Variants in ARL2 observed in about 807,000 individuals in gnomAD.
ARL2 encodes the protein ADP-ribosylation factor-like protein 2.
ARL2 carries 11 observed loss-of-function variants against 22.0 expected under a neutral mutation model. That is an observed-to-expected ratio of 0.50 (90% CI 0.31 to 0.83). ARL2 has a LOEUF of 0.83. ARL2 is among the 40% of genes least tolerant of loss of function. The pLI is 0.04. For missense variants in ARL2, 216 were observed against 243.2 expected (o/e 0.89, Z 0.74); for synonymous variants, 111 against 100.8 (o/e 1.10, Z -0.61).
Position 65,022,006 on chromosome 11 carries a change from G to A in ARL2, c.*151G>A, listed in dbSNP as rs1044892977. On this transcript the variant is annotated 3_prime_UTR_variant, in exon 5 of 5. Transcript: ENST00000246747. ...CTACTGCTGCCCGCTGCTGCTCTGT[G>A]GCCACCCGGCTCCCATGGCGGGAGG... The A allele has an allele frequency of 5.1e-6, 6 of 1,182,670 alleles. No individual in the cohort carries two copies. Among genetic ancestry groups the A allele is most frequent in the Non-Finnish European group, 7.0e-6 (6 of 854,540 alleles). The allele number at this position is 1,182,670 out of a possible 1,614,324, so 73.3% of individuals were successfully genotyped here.
In ARL2 at chr11:65,021,964, A is replaced by G; in HGVS notation, c.*109A>G. 7.0e-7 allele frequency: 1 copy of G among 1,429,800 alleles called. No individual in the cohort carries two copies. Among genetic ancestry groups the G allele is most frequent in the Non-Finnish European group, 9.4e-7 (1 of 1,064,232 alleles). The allele number at this position is 1,429,800 out of a possible 1,614,324, so 88.6% of individuals were successfully genotyped here. A position where few individuals can be genotyped will look rare whatever the true frequency, so the allele number is the denominator to read the frequency against. On this transcript the variant is annotated 3_prime_UTR_variant, in exon 5 of 5. Transcript: ENST00000246747. ...GCCAAACTAACACTCCCCCTCCTCC[A>G]CCCCAGCCTGCTGCTGCTACTGCTG...
chr11:65,015,435 G>C (rs946622501), intron 1 of ARL2, among the ~76,000 whole-genome samples: 2 of 152,296 alleles, frequency 1.3e-5, no homozygotes, highest in South Asian at 4.1e-4. Context: ...GCTTTAAAGA[G>C]CTCTAAGAAA....
At position 65,018,425 on chromosome 11, in the gene ARL2, A is replaced by G. The variant is rs780868896; in HGVS notation, c.127A>G (p.Thr43Ala). The G allele has an allele frequency of 1.2e-6, 2 of 1,609,776 alleles. No homozygotes were observed. Among genetic ancestry groups the G allele is most frequent in the Non-Finnish European group, 1.7e-6 (2 of 1,178,440 alleles). ...GAAGTTCAATGGGGAGGACATCGAC[A>G]CCATCTCCCCAACGCTGGGCTTCAA... ...LKKFNGEDID[T>A]ISPTLGFNIK... The change falls in exon 2 of 5, where the codon ACC (threonine) becomes GCC (alanine). Residue 43 changes from threonine (T) to alanine (A), a missense_variant. Physicochemically the swap from Thr to Ala is moderately conservative, Grantham distance 58. Transcript: ENST00000246747. This position sits in a 1 kb window ranked among gnomAD's most constrained non-coding sequence, Gnocchi z 4.2.
At position 65,014,217 on chromosome 11, in the gene ARL2, C is replaced by T. The variant is rs1352913511; in HGVS notation, c.10C>T (p.Leu4=). 1 of 1,573,622 alleles carries T rather than the reference C, an allele frequency of 6.4e-7. No homozygotes were observed. The highest frequency in any genetic ancestry group is 8.6e-7 in the Non-Finnish European group (1 of 1,163,774). Residue 4 remains leucine (L), a synonymous_variant, in exon 1 of 5, where the codon CTG becomes TTG. Coordinates refer to ENST00000246747, the MANE Select transcript of ARL2 (RefSeq NM_001667.4). Reference sequence around the variant, plus strand: ...GGGGGCTCCGGGGACCATGGGGCTCCTGACCATTCTGAAGAAGATGAAGCA... The same window carrying T: ...GGGGGCTCCGGGGACCATGGGGCTCTTGACCATTCTGAAGAAGATGAAGCA... MGL[L]TILKKMKQKE... is the part of the protein sequence containing the mutation.
At chr11:65,020,883 A>C (rs568278707) in intron 4 of ARL2, among the ~76,000 whole-genome samples, 2 of 152,066 alleles carry the variant, frequency 1.3e-5, no homozygotes, top group African/African-American at 2.4e-5. Flanking sequence ...AAAAAAAAAA[A>C]AAAGAAAGAA....
chr11:65,016,152 A>T (rs1946250459), intron 1 of ARL2, among the ~76,000 whole-genome samples: 1 of 149,940 alleles, frequency 6.7e-6, no homozygotes, highest in South Asian at 2.1e-4. Context: ...GACTGCAGTG[A>T]GCTGAGATCA....
chr11:65,017,526 C>A (rs148572804), intron 1 of ARL2, among the ~76,000 whole-genome samples: 1 of 152,166 alleles, frequency 6.6e-6, no homozygotes, highest in South Asian at 2.1e-4. Flanking sequence ...GGAGAAAGAA[C>A]GGCAAGCTCA....
At position 65,014,308 on chromosome 11, in the gene ARL2, G is replaced by A. The variant is rs564272094; in HGVS notation, c.65+36G>A. 1.3e-4 allele frequency: 196 copies of A among 1,509,480 alleles called. 1 individual carries two copies. In the East Asian group the frequency reaches 5.4e-3, roughly 42 times the overall value. The allele number at this position is 1,509,480 out of a possible 1,614,324, so 93.5% of individuals were successfully genotyped here. ...GGACGCCGGAACCGCGAGGGTGGCG[G>A]GGTCCAGCCGGGCAGGCGGTGCCGG... On this transcript the variant is annotated intron_variant, in intron 1 of 4. Coordinates refer to ENST00000246747, the MANE Select transcript of ARL2 (RefSeq NM_001667.4).
chr11:65,016,272 G>A (rs553714242), intron 1 of ARL2, among the ~76,000 whole-genome samples: 2 of 145,440 alleles, frequency 1.4e-5, no homozygotes, highest in Non-Finnish European at 3.0e-5. Context: ...GCAATTCGGG[G>A]GGGGGGGAAA....
At chr11:65,020,611 G>A (rs1248003776) in intron 4 of ARL2, 112 bp downstream of exon 4, 8 of 1,107,180 alleles carry the variant, frequency 7.2e-6, no homozygotes, top group South Asian at 3.1e-5. Context: ...GCTCACGCCT[G>A]TAATACCAGC....
chr11:65,017,674 G>C (rs1371129504), intron 1 of ARL2, among the ~76,000 whole-genome samples: 2 of 152,136 alleles, frequency 1.3e-5, no homozygotes, highest in Non-Finnish European at 2.9e-5. Flanking sequence ...CTGGGCCTAG[G>C]TCATTTGCCC....
chr11:65,015,306 G>A (rs1164499810), intron 1 of ARL2, among the ~76,000 whole-genome samples: 3 of 152,104 alleles, frequency 2.0e-5, no homozygotes, highest in African/African-American at 4.8e-5. Context: ...TAGTAGAGAC[G>A]GGGTTTCACC....
intron 4 of ARL2, 91 bp downstream of exon 4, chr11:65,020,590 T>C: frequency 4.6e-6 from 6 of 1,307,216 alleles, no homozygotes; most frequent in Non-Finnish European, 6.3e-6. Context: ...CCAAAAAGGC[T>C]GGGTGCAGTG....
At chr11:65,016,852 G>GA (rs955341861) in intron 1 of ARL2, among the ~76,000 whole-genome samples, 16 of 152,248 alleles carry the variant, frequency 1.1e-4, no homozygotes, top group African/African-American at 3.9e-4. Flanking sequence ...GTACCAGGAT[G>GA]AAGTCAGGTG....
chr11:65,014,362 G>T, intron 1 of ARL2, 90 bp downstream of exon 1: 2 of 1,167,686 alleles, frequency 1.7e-6, no homozygotes, highest in Non-Finnish European at 2.3e-6. Context: ...GGAACGCGGC[G>T]GCCGGCGCGT....
Position 65,020,407 on chromosome 11 carries a change from T to C in ARL2, c.340-12T>C. On this transcript the variant is annotated splice_polypyrimidine_tract_variant and intron_variant, in intron 3 of 4. Coordinates refer to ENST00000246747, the MANE Select transcript of ARL2 (RefSeq NM_001667.4). ...GAGTCCCCACCCCACCCCTCTATCT[T>C]TTCTCCCCCAGCGCCTGGCCGGAGC... The C allele has an allele frequency of 6.2e-7, 1 of 1,609,652 alleles. No individual in the cohort carries two copies. Among genetic ancestry groups the C allele is most frequent in the Non-Finnish European group, 8.5e-7 (1 of 1,177,552 alleles).
In ARL2 at chr11:65,021,812, G is replaced by A; in HGVS notation, c.512G>A (p.Trp171Ter). The A allele has an allele frequency of 6.2e-7, 1 of 1,613,556 alleles. No homozygotes were observed. The highest frequency in any genetic ancestry group is 8.5e-7 in the Non-Finnish European group (1 of 1,179,972). Residue 171 changes from tryptophan to a stop codon, truncating the protein, a stop_gained, in exon 5 of 5, where the codon TGG becomes TAG. Transcript: ENST00000246747. LOFTEE classifies it high-confidence loss of function. Reference protein sequence around the residue: ...TGENLLPGIDWLLDDISSRIF... With the variant: ...TGENLLPGID The stretch of plus-strand genomic sequence containing the variant: ...GAGAACCTGCTGCCGGGCATCGACT[G>A]GCTCCTGGATGACATTTCCAGCCGC...
chr11:65,019,002 C>T, intron 3 of ARL2: 1 of 1,372,098 alleles, frequency 7.3e-7, no homozygotes, highest in Non-Finnish European at 9.7e-7. Context: ...CATCACTGGG[C>T]TTTAGGGAGG....
At chr11:65,019,297 C>T (rs1946299306) in intron 3 of ARL2, 1 of 180,754 alleles carries the variant, frequency 5.5e-6, no homozygotes, top group African/African-American at 2.4e-5. Context: ...AATCCCAGCA[C>T]TTTGGGAGGC....
Sources: gnomAD v4.1 joint callset for allele counts (sites outside exome capture counted in the v4.1 genomes callset) on GRCh38, gnomAD v4.1.1 for gene constraint, Gnocchi (gnomAD v3.1) non-coding constraint, MANE v1.5 for transcripts, NCBI Gene and HGNC (gene_info 2026-07-23, HGNC 2026-07-21) for gene names.